Variants in CARMIL1 observed in about 807,000 individuals in gnomAD.
CARMIL1 encodes capping protein regulator and myosin 1 linker 1.
A neutral mutation model predicts 177.1 loss-of-function variants in CARMIL1; 90 were observed. That is an observed-to-expected ratio of 0.51 (90% CI 0.43 to 0.61). The LOEUF (loss-of-function observed/expected upper bound fraction) is 0.61. Among genes scored for constraint, CARMIL1 ranks in the 20% least tolerant of loss-of-function variants. The pLI, the probability that CARMIL1 is intolerant of heterozygous loss-of-function variation, is 0.00. For missense variants in CARMIL1, 1,380 were observed against 1,667.0 expected (o/e 0.83, Z 3.00); for synonymous variants, 577 against 606.2 (o/e 0.95, Z 0.71).
chr6:25,512,768 C>T (rs1805581270), intron 20 of CARMIL1, among the ~76,000 whole-genome samples: 1 of 152,200 alleles, frequency 6.6e-6, no homozygotes, highest in African/African-American at 2.4e-5. Flanking sequence ...GTCTGCTGCA[C>T]CCAGAGTCAT....
intron 33 of CARMIL1, 129 bp downstream of exon 33, chr6:25,600,875 A>T (rs1815334733): frequency 4.7e-6 from 4 of 849,416 alleles, no homozygotes; most frequent in South Asian, 4.7e-5. Context: ...TTATGCTGGG[A>T]ATATTCAAAT....
chr6:25,413,315 C>T lies in CARMIL1; in HGVS notation c.139-6799C>T, dbSNP rs561165004. Among the ~76,000 whole-genome samples the T allele has an allele frequency of 1.1e-4, 17 of 152,238 alleles. No individual in the cohort carries two copies. The South Asian group carries it at 3.3e-3, about 30-fold the overall frequency. On this transcript the variant is annotated intron_variant, in intron 2 of 36. Transcript: ENST00000329474. The stretch of plus-strand genomic sequence containing the variant: ...AAGACCATTTGTTGAATGTTTGGCA[C>T]GTAGAGCCCAATTTTAAAGAAAAGG...
intron 2 of CARMIL1, among the ~76,000 whole-genome samples, chr6:25,370,980 T>C (rs1267624063): frequency 1.3e-5 from 2 of 152,128 alleles, no homozygotes; most frequent in Non-Finnish European, 2.9e-5. Context: ...TGTGTACCCA[T>C]AGTTTAGCTC....
intron 31 of CARMIL1, among the ~76,000 whole-genome samples, chr6:25,587,223 CAA>C (rs1464403214): frequency 6.6e-6 from 1 of 152,086 alleles, no homozygotes; most frequent in Non-Finnish European, 1.5e-5. Context: ...TTTTTAATAA[CAA>C]GAGCTAGAAT....
intron 2 of CARMIL1, among the ~76,000 whole-genome samples, chr6:25,363,894 T>A (rs1209632960): frequency 1.3e-5 from 2 of 152,168 alleles, no homozygotes; most frequent in Non-Finnish European, 2.9e-5. Context: ...TGATCAACAC[T>A]TTAACACTTT....
At chr6:25,548,867 G>C (rs1003032405) in intron 26 of CARMIL1, among the ~76,000 whole-genome samples, 14 of 152,208 alleles carry the variant, frequency 9.2e-5, no homozygotes, top group African/African-American at 3.1e-4. Context: ...CCTTGAGCAA[G>C]TCACTTATGT....
intron 22 of CARMIL1, among the ~76,000 whole-genome samples, chr6:25,518,243 A>G (rs141977552): frequency 2.5e-3 from 377 of 152,232 alleles, no homozygotes; most frequent in Non-Finnish European, 4.5e-3. Flanking sequence ...TTGTGGTACA[A>G]CCCTAGACTG....
chr6:25,605,448 T>A (rs1329777671), intron 34 of CARMIL1, among the ~76,000 whole-genome samples: 1 of 152,254 alleles, frequency 6.6e-6, no homozygotes, highest in Non-Finnish European at 1.5e-5. Context: ...GAGAGTCTTA[T>A]GCATAGCTAC....
chr6:25,483,681 C>CAAAAAAAAA (rs11452946), intron 12 of CARMIL1, among the ~76,000 whole-genome samples: 1 of 90,480 alleles, frequency 1.1e-5, no homozygotes, highest in African/African-American at 4.3e-5. Context: ...ATCTCTGTCT[C>CAAAAAAAAA]AAAAAAAAAA....
chr6:25,615,787 G>A (rs1218267003), intron 36 of CARMIL1, among the ~76,000 whole-genome samples: 1 of 152,186 alleles, frequency 6.6e-6, no homozygotes, highest in Non-Finnish European at 1.5e-5. Context: ...ACTATTTTAA[G>A]GTCATCATAG....
chr6:25,415,229 C>T (rs79137076), intron 2 of CARMIL1, among the ~76,000 whole-genome samples: 3 of 151,936 alleles, frequency 2.0e-5, no homozygotes, highest in Admixed American at 6.5e-5. Context: ...GTGGCACCAT[C>T]GTAGCTCACT....
chr6:25,309,286 T>G (rs1189387142), intron 2 of CARMIL1, among the ~76,000 whole-genome samples: 13 of 138,650 alleles, frequency 9.4e-5, no homozygotes, highest in African/African-American at 3.6e-4. Flanking sequence ...AGTTGGGAGG[T>G]GGAGGTTGCA....
At chr6:25,510,017 A>G (rs983790598) in intron 18 of CARMIL1, among the ~76,000 whole-genome samples, 4 of 152,152 alleles carry the variant, frequency 2.6e-5, no homozygotes, top group Non-Finnish European at 5.9e-5. Flanking sequence ...AGGGTCTGAG[A>G]CCAACTTTTT....
chr6:25,415,401 G>C (rs570124359), intron 2 of CARMIL1, among the ~76,000 whole-genome samples: 32 of 152,076 alleles, frequency 2.1e-4, no homozygotes, highest in African/African-American at 7.7e-4. Flanking sequence ...TATGGTGACT[G>C]TTCTGGAAAG....
In CARMIL1 at chr6:25,498,214, G is replaced by A. The variant is rs140899691; in HGVS notation, c.1326-1952G>A. Reference sequence around the variant, plus strand: ...ATAAACCTGTTGAATGTGCTACCCTGAAATTATAACTAGTGCCACCGATCT... The same window carrying A: ...ATAAACCTGTTGAATGTGCTACCCTAAAATTATAACTAGTGCCACCGATCT... On this transcript the variant is annotated intron_variant, in intron 16 of 36. Coordinates refer to ENST00000329474, the MANE Select transcript of CARMIL1 (RefSeq NM_017640.6). 6.7e-3 allele frequency among the ~76,000 whole-genome samples: 1,021 copies of A among 152,208 alleles called. 10 individuals carry two copies. The highest frequency in any genetic ancestry group is 0.021 in the African/African-American group (879 of 41,512).
rs181950835 is a variant in CARMIL1 at position 25,392,811 on chromosome 6, C to A, written c.139-27303C>A. On this transcript the variant is annotated intron_variant, in intron 2 of 36. Coordinates refer to ENST00000329474, the MANE Select transcript of CARMIL1 (RefSeq NM_017640.6). Reference sequence around the variant, plus strand: ...ATTTTTATAATCAGAAACTATTATGCCATTTTAATAAAATTTAATTAAAAG... The same window carrying A: ...ATTTTTATAATCAGAAACTATTATGACATTTTAATAAAATTTAATTAAAAG... 9.7e-4 allele frequency among the ~76,000 whole-genome samples: 147 copies of A among 152,100 alleles called. 1 individual carries two copies. Among genetic ancestry groups the A allele is most frequent in the Non-Finnish European group, 1.7e-3 (114 of 67,994 alleles).
intron 36 of CARMIL1, among the ~76,000 whole-genome samples, chr6:25,610,633 C>T (rs1477640381): frequency 3.9e-5 from 6 of 152,208 alleles, no homozygotes; most frequent in Non-Finnish European, 1.5e-5. Context: ...TCACTGTGCT[C>T]GCTCAGTCAC....
chr6:25,288,368 G>T (rs967822771), intron 2 of CARMIL1, among the ~76,000 whole-genome samples: 2 of 152,034 alleles, frequency 1.3e-5, no homozygotes, highest in Non-Finnish European at 2.9e-5. Context: ...GGTTAAACAG[G>T]TCTCTTCTTG....
At chr6:25,447,519 G>A (rs1798350985) in intron 5 of CARMIL1, among the ~76,000 whole-genome samples, 1 of 152,114 alleles carries the variant, frequency 6.6e-6, no homozygotes, top group South Asian at 2.1e-4. Context: ...AATCATTAAA[G>A]ATGAAACTAT....
Sources: allele counts gnomAD v4.1 joint callset (sites outside exome capture counted in the v4.1 genomes callset), GRCh38; gene constraint gnomAD v4.1.1; transcripts MANE v1.5; gene names NCBI Gene and HGNC (gene_info 2026-07-23, HGNC 2026-07-21).